USP24: variants seen among roughly 807,000 people sequenced by gnomAD.
The protein encoded by USP24 is ubiquitin specific peptidase 24.
In USP24, 97 loss-of-function variants were observed where a neutral mutation model predicts 361.6. That is an observed-to-expected ratio of 0.27 (90% CI 0.23 to 0.32). The LOEUF (loss-of-function observed/expected upper bound fraction) is 0.32. Ranked by LOEUF, USP24 falls within the 10% of genes least tolerant of loss-of-function variation. USP24 has a pLI of 1.00. For missense variants in USP24, 2,353 were observed against 3,165.6 expected, an observed-to-expected ratio of 0.74 and a Z score of 6.16; for synonymous variants, 1,098 against 1,124.6, an observed-to-expected ratio of 0.98 and a Z score of 0.47.
At chr1:55,172,623 T>A (rs1281057884) in intron 3 of USP24, 103 bp from the exon 4 acceptor site, 1 of 1,261,278 alleles carries the variant, frequency 7.9e-7, no homozygotes, top group Admixed American at 2.9e-5. Flanking sequence ...ATGATGAAAA[T>A]ACTTTTTTAT....
Position 55,157,065 on chromosome 1 carries a change from CAT to C in USP24, c.1343-16_1343-15del. 6.2e-7 allele frequency: 1 copy of C among 1,601,454 alleles called. No homozygotes were observed. Among genetic ancestry groups the C allele is most frequent in the Non-Finnish European group, 8.5e-7 (1 of 1,170,980 alleles). ...GGTCTATGTTGCCTAATTGAAGAAACATGAGAGAGAAAGTCAGATATAGTGAA... is the reference window on the plus strand; with the variant it reads ...GGTCTATGTTGCCTAATTGAAGAAACGAGAGAGAAAGTCAGATATAGTGAA... On this transcript the variant is annotated splice_polypyrimidine_tract_variant and intron_variant, in intron 11 of 67. Coordinates refer to ENST00000294383, the MANE Select transcript of USP24 (RefSeq NM_015306.3).
At chr1:55,119,786 T>C (rs1646226776) in intron 38 of USP24, among the ~76,000 whole-genome samples, 2 of 152,134 alleles carry the variant, frequency 1.3e-5, no homozygotes, top group Admixed American at 6.5e-5. Context: ...GACTTTTGAC[T>C]TTGAGGCATT....
chr1:55,140,001 A>C (rs892581591), intron 24 of USP24, among the ~76,000 whole-genome samples: 10 of 150,640 alleles, frequency 6.6e-5, no homozygotes, highest in African/African-American at 1.5e-4. Context: ...GATGACAGAA[A>C]CCCCCCCCAC....
Position 55,073,918 on chromosome 1 carries a change from G to A in USP24, c.7448-12C>T, listed in dbSNP as rs772853280. ...GTGGTGCATCAAAGCTGAGGGAAGA[G>A]AAAAGGACATTTTAACAATAAAAGA... On this transcript the variant is annotated splice_polypyrimidine_tract_variant and intron_variant, in intron 63 of 67. Transcript: ENST00000294383. 3.8e-6 allele frequency: 6 copies of A among 1,559,366 alleles called. No individual in the cohort carries two copies.
chr1:55,141,743 C>G lies in USP24; in HGVS notation c.2635-12G>C, dbSNP rs1283160256. On this transcript the variant is annotated splice_polypyrimidine_tract_variant and intron_variant, in intron 23 of 67. Coordinates refer to ENST00000294383, the MANE Select transcript of USP24 (RefSeq NM_015306.3). ...GCTGAACTGGCTGCCTAAAAAATAC[C>G]AAACAGTCATTCTCTATCAGGGTTT... The G allele has an allele frequency of 1.3e-6, 2 of 1,587,704 alleles. No individual in the cohort carries two copies. The highest frequency in any genetic ancestry group is 2.3e-5 in the East Asian group (1 of 43,918).
chr1:55,153,941 T>C (rs1421355918), intron 15 of USP24, 24 bp from the exon 16 acceptor site: 5 of 1,549,836 alleles, frequency 3.2e-6, no homozygotes, highest in Non-Finnish European at 4.4e-6. Context: ...TTAAGAGAAA[T>C]ATAAGTGACT....
intron 38 of USP24, among the ~76,000 whole-genome samples, chr1:55,112,474 T>C (rs998109585): frequency 6.6e-6 from 1 of 152,218 alleles, no homozygotes; most frequent in African/African-American, 2.4e-5. Context: ...GTACGTTGTG[T>C]CTTTGTTCTC....
chr1:55,075,434 T>G lies in USP24; in HGVS notation c.7447+23A>C, dbSNP rs141918372. 5.4e-5 allele frequency: 85 copies of G among 1,584,218 alleles called. No homozygotes were observed. The East Asian group carries it at 1.9e-3, about 35-fold the overall frequency. On this transcript the variant is annotated intron_variant, in intron 63 of 67. Coordinates refer to ENST00000294383, the MANE Select transcript of USP24 (RefSeq NM_015306.3). The stretch of plus-strand genomic sequence containing the variant: ...TCCACATATTTACTATAGACATTTG[T>G]GCATAAGACCAGGCATACTTGCCTA...
chr1:55,202,403 T>C (rs1164852754), intron 1 of USP24, among the ~76,000 whole-genome samples: 2 of 151,518 alleles, frequency 1.3e-5, no homozygotes, highest in Non-Finnish European at 2.9e-5. Context: ...ATACCGACTT[T>C]TTCTTTCTTT....
Position 55,124,574 on chromosome 1 carries a change from A to G in USP24, c.4015T>C (p.Trp1339Arg). The G allele has an allele frequency of 1.2e-6, 2 of 1,613,998 alleles. No individual in the cohort carries two copies. Among genetic ancestry groups the G allele is most frequent in the Non-Finnish European group, 1.7e-6 (2 of 1,179,892 alleles). ...STVACFMRLS[W>R]AAAAGRLDLV... Reference sequence around the variant, plus strand: ...TCAAGCCGTCCTGCAGCCGCAGCCCATGACAATCTCATGAAGCAAGCCACA... The same window carrying G: ...TCAAGCCGTCCTGCAGCCGCAGCCCGTGACAATCTCATGAAGCAAGCCACA... Residue 1339 changes from tryptophan to arginine, a missense_variant, in exon 35 of 68, where the codon TGG becomes CGG. By Grantham distance (101) the Trp-to-Arg change is moderately radical. Around this residue, in one of 8 missense-constraint regions of USP24, gnomAD observed 949 missense variants for 1,280.5 expected, o/e 0.74. Coordinates refer to ENST00000294383, the MANE Select transcript of USP24 (RefSeq NM_015306.3).
In USP24 at chr1:55,153,873, G is replaced by A; in HGVS notation, c.1857C>T (p.Phe619=). Residue 619 remains phenylalanine (F), a synonymous_variant, in exon 16 of 68, where the codon TTC becomes TTT. Coordinates refer to ENST00000294383, the MANE Select transcript of USP24 (RefSeq NM_015306.3). The part of the protein sequence containing the change: ...SGLEKNKKDG[F]KSSQLNNPQF... ...GGTTCCATCTGCAAATTCTTACCTT[G>A]AATCCATCCTTCTTGTTTTTTTCCA... 2 of 1,550,882 alleles carry A rather than the reference G, an allele frequency of 1.3e-6. No individual in the cohort carries two copies. Among genetic ancestry groups the A allele is most frequent in the African/African-American group, 1.4e-5 (1 of 73,076 alleles).
At chr1:55,078,269 C>CTTAT (rs549372367) in intron 61 of USP24, among the ~76,000 whole-genome samples, 150 of 150,354 alleles carry the variant, frequency 1.0e-3, no homozygotes, top group African/African-American at 3.5e-3. Flanking sequence ...GGTCTCATTT[C>CTTAT]TTATTTATTT....
At chr1:55,164,734 C>G (rs1422171011) in intron 7 of USP24, among the ~76,000 whole-genome samples, 1 of 151,774 alleles carries the variant, frequency 6.6e-6, no homozygotes, top group Non-Finnish European at 1.5e-5. Context: ...GGGCTATGCC[C>G]AGATTCCCAT....
chr1:55,179,958 TTC>T (rs1452931442), intron 1 of USP24, among the ~76,000 whole-genome samples: 3 of 152,206 alleles, frequency 2.0e-5, no homozygotes, highest in African/African-American at 7.2e-5. Flanking sequence ...TTCATGGCTT[TTC>T]TCTGTTCTTA....
At chr1:55,118,751 T>C (rs1257027984) in intron 38 of USP24, among the ~76,000 whole-genome samples, 2 of 152,188 alleles carry the variant, frequency 1.3e-5, no homozygotes, top group African/African-American at 4.8e-5. Flanking sequence ...GGTCTTAAAA[T>C]AGATGTTTCT....
Position 55,143,127 on chromosome 1 carries a change from A to T in USP24, c.2440-8T>A. Reference sequence around the variant, plus strand: ...TTCCAGCTTTTCTACATACTGTTCAAAAGAAAAAAAATTAAATTATAAAGC... The same window carrying T: ...TTCCAGCTTTTCTACATACTGTTCATAAGAAAAAAAATTAAATTATAAAGC... On this transcript the variant is annotated splice_polypyrimidine_tract_variant and splice_region_variant and intron_variant, in intron 21 of 67. Coordinates refer to ENST00000294383, the MANE Select transcript of USP24 (RefSeq NM_015306.3). 1 of 1,479,430 alleles carries T rather than the reference A, an allele frequency of 6.8e-7. No individual in the cohort carries two copies. The highest frequency in any genetic ancestry group is 1.4e-5 in the South Asian group (1 of 71,448). 91.6% of individuals were successfully genotyped at this position (1,479,430 alleles called of 1,614,324 possible).
chr1:55,171,858 C>G lies in USP24; in HGVS notation c.703-180G>C, dbSNP rs915325371. 2.0e-5 allele frequency among the ~76,000 whole-genome samples: 3 copies of G among 152,170 alleles called. No individual in the cohort carries two copies. In the South Asian group the frequency reaches 6.2e-4, roughly 32 times the overall value. On this transcript the variant is annotated intron_variant, in intron 4 of 67. Transcript: ENST00000294383. ...GTGCTAAGAATTAATGTGCTATTCT[C>G]CTGTCCTGTTCAGTGTTCACTGTGA... is the stretch of plus-strand genomic sequence containing the variant.
At chr1:55,071,973 G>A (rs1463599959) in intron 66 of USP24, 49 bp from the exon 67 acceptor site, 1 of 1,514,284 alleles carries the variant, frequency 6.6e-7, no homozygotes, top group Non-Finnish European at 9.0e-7. Context: ...CCATTCAGTG[G>A]CAGCAGCAAC....
chr1:55,071,764 C>A (rs573937341), intron 67 of USP24, 50 bp downstream of exon 67: 3 of 1,539,648 alleles, frequency 1.9e-6, no homozygotes, highest in Non-Finnish European at 1.8e-6. Flanking sequence ...TTTTGGAAAG[C>A]TTAAGAGCAA....
Sources: gnomAD v4.1 joint callset for allele counts (sites outside exome capture counted in the v4.1 genomes callset) on GRCh38, gnomAD v4.1.1 for gene constraint, gnomAD v4.1.1 regional missense constraint, MANE v1.5 for transcripts, NCBI Gene and HGNC (gene_info 2026-07-23, HGNC 2026-07-21) for gene names.